Variants in FGF1 observed in about 807,000 individuals in gnomAD.
The protein encoded by FGF1 is beta-endothelial cell growth factor.
In FGF1, 9 loss-of-function variants were observed where a neutral mutation model predicts 13.4. The observed-to-expected ratio is 0.67, with a 90% CI of 0.40 to 1.17. The LOEUF (loss-of-function observed/expected upper bound fraction) is 1.17. Ranked by LOEUF, FGF1 falls within the 50% of genes most tolerant of loss-of-function variation. FGF1 has a pLI of 0.01. For missense variants in FGF1, 156 were observed against 192.7 expected, an observed-to-expected ratio of 0.81 and a Z score of 1.13; for synonymous variants, 93 against 79.0, an observed-to-expected ratio of 1.18 and a Z score of -0.94.
At chr5:142,676,924 AC>A (rs1772728857) in intron 1 of FGF1, among the ~76,000 whole-genome samples, 1 of 150,530 alleles carries the variant, frequency 6.6e-6, no homozygotes, top group African/African-American at 2.5e-5. Flanking sequence ...AAACAAAACA[AC>A]AACAACAACA....
chr5:142,617,501 C>T (rs1049726451), intron 1 of FGF1, among the ~76,000 whole-genome samples: 1 of 152,166 alleles, frequency 6.6e-6, no homozygotes, highest in Non-Finnish European at 1.5e-5. Context: ...AGGGGCCCCT[C>T]CCTCCTGACC....
chr5:142,691,316 G>A (rs532227526), intron 2 of FGF1, among the ~76,000 whole-genome samples: 4 of 152,070 alleles, frequency 2.6e-5, no homozygotes, highest in Admixed American at 2.6e-4. Flanking sequence ...CAGCTACTCA[G>A]GAGGCTGAGG....
At chr5:142,600,870 GCCAGGACAGT>G in intron 2 of FGF1, 65 bp from the exon 3 acceptor site, 1 of 1,203,238 alleles carries the variant, frequency 8.3e-7, no homozygotes, top group Non-Finnish European at 1.2e-6. Context: ...GGACCCGGCA[GCCAGGACAGT>G]TGGCCATGGA....
intron 1 of FGF1, among the ~76,000 whole-genome samples, chr5:142,674,550 C>G (rs1179228641): frequency 6.6e-6 from 1 of 152,124 alleles, no homozygotes; most frequent in Non-Finnish European, 1.5e-5. Flanking sequence ...TTTAAAGAGG[C>G]TGGGGGAGAG....
intron 3 of FGF1, 28 bp from the exon 4 acceptor site, chr5:142,595,512 G>A: frequency 6.3e-7 from 1 of 1,590,538 alleles, no homozygotes; most frequent in South Asian, 1.1e-5. Context: ...AAAGAGAGTA[G>A]GACAATCAGT....
upstream of FGF1, among the ~76,000 whole-genome samples, chr5:142,690,838 A>G (rs371919212): frequency 3.7e-4 from 56 of 152,266 alleles, no homozygotes; most frequent in African/African-American, 1.3e-3. Context: ...CTCCCCCAAC[A>G]TACTCATTGC....
intron 1 of FGF1, among the ~76,000 whole-genome samples, chr5:142,639,137 AC>A (rs1327666902): frequency 6.6e-6 from 1 of 152,028 alleles, no homozygotes; most frequent in African/African-American, 2.4e-5. Flanking sequence ...TAAAAATAGC[AC>A]TACCACATGA....
At chr5:142,598,822 G>T (rs17099033) in intron 3 of FGF1, among the ~76,000 whole-genome samples, 15,265 of 152,204 alleles carry the variant, frequency 0.1, 1,027 homozygotes, top group African/African-American at 0.19. Flanking sequence ...GGAGAAGGGG[G>T]TGCCTGGAGC....
intron 1 of FGF1, among the ~76,000 whole-genome samples, chr5:142,670,204 C>G (rs374106582): frequency 6.6e-6 from 1 of 152,130 alleles, no homozygotes; most frequent in African/African-American, 2.4e-5. Flanking sequence ...AAGTCCTTGG[C>G]CAAGTGACCT....
At chr5:142,596,306 C>T (rs935315722) in intron 3 of FGF1, among the ~76,000 whole-genome samples, 1 of 137,016 alleles carries the variant, frequency 7.3e-6, no homozygotes, top group Admixed American at 7.8e-5. Flanking sequence ...CCATTCTCTA[C>T]AATTTTTTTT....
intron 2 of FGF1, among the ~76,000 whole-genome samples, chr5:142,603,136 A>AG (rs1192407784): frequency 1.3e-5 from 2 of 152,142 alleles, no homozygotes; most frequent in Non-Finnish European, 2.9e-5. Context: ...CTCCACTGTA[A>AG]GCTGGGCCCT....
chr5:142,678,160 C>G (rs1002081734), intron 1 of FGF1, among the ~76,000 whole-genome samples: 24 of 152,058 alleles, frequency 1.6e-4, no homozygotes, highest in Non-Finnish European at 2.8e-4. Flanking sequence ...GATCTTACCC[C>G]CCAAGAGGCC....
At position 142,656,719 on chromosome 5, in the gene FGF1, T is replaced by G. The variant is rs148751535; in HGVS notation, c.-35+29238A>C. Among the ~76,000 whole-genome samples, 16 of 152,246 alleles carry G rather than the reference T, an allele frequency of 1.1e-4. No homozygotes were observed. In the East Asian group the frequency reaches 1.9e-3, roughly 18 times the overall value. ...TAAGAAAAAGAGCACTAGACACACA[T>G]GTACACATATGAGTGGGGAAAAGGA... On this transcript the variant is annotated intron_variant, in intron 1 of 3. Transcript: ENST00000337706.
chr5:142,691,294 C>T (rs1225092394), intron 2 of FGF1, among the ~76,000 whole-genome samples: 3 of 151,832 alleles, frequency 2.0e-5, no homozygotes, highest in Non-Finnish European at 2.9e-5. Context: ...TGTTGGCTGG[C>T]GTCTGTAACC....
intron 2 of FGF1, among the ~76,000 whole-genome samples, chr5:142,608,552 A>C (rs1758257204): frequency 5.7e-5 from 4 of 69,848 alleles, no homozygotes; most frequent in African/African-American, 8.8e-5. Flanking sequence ...CTATATATAT[A>C]TATATATATA....
chr5:142,661,804 C>T (rs938196138), intron 1 of FGF1, among the ~76,000 whole-genome samples: 1 of 152,120 alleles, frequency 6.6e-6, no homozygotes, highest in African/African-American at 2.4e-5. Flanking sequence ...GAGATTGAGA[C>T]CATCCTGGCT....
intron 1 of FGF1, among the ~76,000 whole-genome samples, chr5:142,615,037 CTT>C (rs1759925920): frequency 6.6e-6 from 1 of 152,028 alleles, no homozygotes; most frequent in African/African-American, 2.4e-5. Flanking sequence ...TACATACAAA[CTT>C]ATATTATTAA....
chr5:142,667,737 C>T (rs1019226132), intron 1 of FGF1, among the ~76,000 whole-genome samples: 3 of 152,122 alleles, frequency 2.0e-5, no homozygotes, highest in Admixed American at 6.5e-5. Flanking sequence ...CTGAAGGCCT[C>T]GGCGGGCTCT....
intron 1 of FGF1, among the ~76,000 whole-genome samples, chr5:142,683,071 C>T (rs1322758956): frequency 6.6e-6 from 1 of 152,198 alleles, no homozygotes; most frequent in Non-Finnish European, 1.5e-5. Context: ...ACCCTTTCTT[C>T]AGAAAAAGTA....
Sources: allele counts gnomAD v4.1 joint callset (sites outside exome capture counted in the v4.1 genomes callset), GRCh38; gene constraint gnomAD v4.1.1; transcripts MANE v1.5; gene names NCBI Gene and HGNC (gene_info 2026-07-23, HGNC 2026-07-21).